DQX1: variants seen among roughly 807,000 people sequenced by gnomAD.
DQX1 encodes the protein ATP-dependent RNA helicase homolog DQX1.
Under a neutral mutation model 81.3 loss-of-function variants are expected in DQX1, and 66 were observed. That is an observed-to-expected ratio of 0.81 (90% confidence interval 0.67 to 1.00). The LOEUF is 1.00. DQX1 is among the 50% of genes least tolerant of loss of function. The pLI is 0.00. For missense variants in DQX1, 798 were observed against 867.9 expected, an observed-to-expected ratio of 0.92 and a Z score of 1.01; for synonymous variants, 290 against 350.0, an observed-to-expected ratio of 0.83 and a Z score of 1.91.
At chr2:74,522,316 G>A (rs570881848) in intron 8 of DQX1, among the ~76,000 whole-genome samples, 9 of 152,344 alleles carry the variant, frequency 5.9e-5, no homozygotes, top group South Asian at 2.1e-4. Flanking sequence ...ATAGCTGAAG[G>A]GGAGGATAGG....
chr2:74,524,208 C>T lies in DQX1; in HGVS notation c.531G>A (p.Val177=), dbSNP rs748872996. 1.9e-6 allele frequency: 3 copies of T among 1,614,130 alleles called. No homozygotes were observed. The highest frequency in any genetic ancestry group is 4.5e-5 in the East Asian group (2 of 44,884). Reference sequence around the variant, plus strand: ...GTAGCCCCTGGAGTGAATCTGATGCCACCGACCGCTCCTGAGCCTCATCTA... The same window carrying T: ...GTAGCCCCTGGAGTGAATCTGATGCTACCGACCGCTCCTGAGCCTCATCTA... ...LVLDEAQERS[V]ASDSLQGLLQ... is the part of the protein sequence containing the mutation. The change falls in exon 4 of 12, where the codon GTG becomes GTA. Residue 177 remains valine, a synonymous_variant. Coordinates refer to ENST00000404568, the MANE Select transcript of DQX1 (RefSeq NM_133637.3).
Position 74,522,745 on chromosome 2 carries a change from CCAGGGCTTGCAT to C in DQX1, c.1318_1329del (p.Met440_Leu443del). ...AGGGCTGCCAGATAGTCTAAATCTT[CCAGGGCTTGCAT>C]CAGTGCTTCTGGAGCTGGTGAGGAA... On this transcript the variant is annotated inframe_deletion, in exon 8 of 12. Coordinates refer to ENST00000404568, the MANE Select transcript of DQX1 (RefSeq NM_133637.3). The C allele has an allele frequency of 6.2e-7, 1 of 1,614,176 alleles. No homozygotes were observed. Among genetic ancestry groups the C allele is most frequent in the South Asian group, 1.1e-5 (1 of 91,070 alleles).
rs1409012756 is a variant in DQX1, at chr2:74,522,976, G to A, written c.1183C>T (p.Leu395=). The part of the protein sequence containing the change: ...LCLYPKSFLE[L]EAPPLPQPRV... ...GGTTGTGGCAATGGTGGAGCTTCTA[G>A]TTCTAAGAAGGACTTAGGATACAGG... Residue 395 remains leucine (L), a synonymous_variant, in exon 7 of 12, where the codon CTA becomes TTA. Coordinates refer to ENST00000404568, the MANE Select transcript of DQX1 (RefSeq NM_133637.3). 6.2e-7 allele frequency: 1 copy of A among 1,614,186 alleles called. No individual in the cohort carries two copies. Among genetic ancestry groups the A allele is most frequent in the Admixed American group, 1.7e-5 (1 of 60,020 alleles).
chr2:74,520,086 G>T (rs986297498), intron 8 of DQX1, 52 bp from the exon 9 acceptor site: 1 of 1,595,854 alleles, frequency 6.3e-7, no homozygotes, highest in Admixed American at 1.7e-5. Flanking sequence ...AATGGGAAGG[G>T]ATAGTAGTAC....
Position 74,519,627 on chromosome 2 carries a change from G to A in DQX1, c.1735C>T (p.Leu579=), listed in dbSNP as rs1674973148. ...TTCTGCTCAGAGCCAAAGGCTGGTA[G>A]GGACAAGGGAAGTTCAATTCGTTGC... ...LMQRIELPLS[L]PAFGSEQNRR... The change falls in exon 10 of 12, where the codon CTA becomes TTA. Residue 579 remains leucine (L), a synonymous_variant. Coordinates refer to ENST00000404568, the MANE Select transcript of DQX1 (RefSeq NM_133637.3). 2 of 1,614,112 alleles carry A rather than the reference G, an allele frequency of 1.2e-6. No individual in the cohort carries two copies. The highest frequency in any genetic ancestry group is 4.5e-5 in the East Asian group (2 of 44,902).
Position 74,525,216 on chromosome 2 carries a change from A to G in DQX1, c.238-14T>C, listed in dbSNP as rs1294701743. Reference sequence around the variant, plus strand: ...CCACTGAGGGATCTGGGATAGAAGTAGGGAAGGAGAGCCAGTGAGGAAGAT... The same window carrying G: ...CCACTGAGGGATCTGGGATAGAAGTGGGGAAGGAGAGCCAGTGAGGAAGAT... On this transcript the variant is annotated splice_polypyrimidine_tract_variant and intron_variant, in intron 2 of 11. Transcript: ENST00000404568. This position sits in a 1 kb window ranked among gnomAD's most constrained non-coding sequence, Gnocchi z 4.1. The G allele has an allele frequency of 6.6e-7, 1 of 1,519,362 alleles. No homozygotes were observed. The highest frequency in any genetic ancestry group is 2.1e-5 in the Admixed American group (1 of 46,628). 94.1% of individuals were successfully genotyped at this position (1,519,362 alleles called of 1,614,324 possible).
rs964662632 is a variant in DQX1, at chr2:74,525,418, C to G, written c.237+75G>C. The G allele has an allele frequency of 8.8e-6, 13 of 1,473,914 alleles. No homozygotes were observed. The African/African-American group carries it at 1.8e-4, about 21-fold the overall frequency. 91.3% of individuals were successfully genotyped at this position (1,473,914 alleles called of 1,614,324 possible). A position where few individuals can be genotyped will look rare whatever the true frequency, so the allele number is the denominator to read the frequency against. ...TCCCCCCTTGCCCAGGGAAAGGCCA[C>G]TTTCCCTTTGTCCTCCCTTTGTCCT... On this transcript the variant is annotated intron_variant, in intron 2 of 11. Coordinates refer to ENST00000404568, the MANE Select transcript of DQX1 (RefSeq NM_133637.3). This position sits in a 1 kb window ranked among gnomAD's most constrained non-coding sequence, Gnocchi z 4.1.
intron 4 of DQX1, 106 bp from the exon 5 acceptor site, chr2:74,523,643 T>C: frequency 9.0e-7 from 1 of 1,107,670 alleles, no homozygotes; most frequent in Non-Finnish European, 1.3e-6. Context: ...TCTGAGAAAA[T>C]GCAAATTACT....
At chr2:74,518,835 C>G (rs1674953456) in intron 11 of DQX1, among the ~76,000 whole-genome samples, 1 of 152,182 alleles carries the variant, frequency 6.6e-6, no homozygotes, top group South Asian at 2.1e-4. Context: ...CTCAAGGACT[C>G]CTCCTGCCTA....
intron 11 of DQX1, 74 bp downstream of exon 11, chr2:74,518,966 C>A: frequency 7.1e-7 from 1 of 1,403,032 alleles, no homozygotes; most frequent in Non-Finnish European, 9.6e-7. Flanking sequence ...TCCTCTGTCT[C>A]TCTAACTCCC....
chr2:74,519,243 C>A lies in DQX1; in HGVS notation c.1807-13G>T. ...TGTCTCTGGCCACCTTATTGAAAGG[C>A]AGAAATATTGACGGAATAAATAAAA... On this transcript the variant is annotated splice_polypyrimidine_tract_variant and intron_variant, in intron 10 of 11. Transcript: ENST00000404568. 2.6e-6 allele frequency: 4 copies of A among 1,537,112 alleles called. No individual in the cohort carries two copies. The South Asian group carries it at 3.7e-5, about 14-fold the overall frequency.
intron 3 of DQX1, among the ~76,000 whole-genome samples, chr2:74,524,514 T>G (rs1265509950): frequency 6.6e-6 from 1 of 152,154 alleles, no homozygotes; most frequent in Non-Finnish European, 1.5e-5. Context: ...AGCTGGGAAG[T>G]GAAATTTTTC....
chr2:74,518,902 C>G (rs371706114), intron 11 of DQX1, 138 bp downstream of exon 11: 4 of 970,716 alleles, frequency 4.1e-6, no homozygotes, highest in African/African-American at 3.3e-5. Context: ...CTCACCAGCC[C>G]TTCCACAAAT....
rs1021696534 is a variant in DQX1 at position 74,519,932 on chromosome 2, T to A, written c.1598A>T (p.Tyr533Phe). 1.2e-6 allele frequency: 2 copies of A among 1,614,198 alleles called. No individual in the cohort carries two copies. Among genetic ancestry groups the A allele is most frequent in the Admixed American group, 1.7e-5 (1 of 60,022 alleles). Residue 533 changes from tyrosine (Y) to phenylalanine (F), a missense_variant, in exon 9 of 12, where the codon TAT becomes TTT. Transcript: ENST00000404568. ...DGDHSSLIQV[Y>F]EAFIQSGADE... is the part of the protein sequence containing the mutation. ...GAACTCACTTTGTATAAAGGCTTCA[T>A]ACACCTGGATCAGAGAACTGTGGTC...
In DQX1 at chr2:74,525,177, G is replaced by C. The variant is rs761038248; in HGVS notation, c.263C>G (p.Ala88Gly). The change falls in exon 3 of 12, where the codon GCG becomes GGG. Residue 88 changes from alanine (A) to glycine (G), a missense_variant. Physicochemically the swap from Ala to Gly is moderately conservative, Grantham distance 60. Transcript: ENST00000404568. This position sits in a 1 kb window ranked among gnomAD's most constrained non-coding sequence, Gnocchi z 4.1. ...TQIPQWCAEFALARGFQKGQV... is the reference protein window; with the variant it reads ...TQIPQWCAEFGLARGFQKGQV... The stretch of plus-strand genomic sequence containing the variant: ...TCCTTTCTGGAACCCTCTGGCCAGC[G>C]CAAACTCTGCACACCACTGAGGGAT... 1.3e-6 allele frequency: 2 copies of C among 1,593,568 alleles called. No individual in the cohort carries two copies.
chr2:74,520,586 G>A (rs1439824470), intron 8 of DQX1, among the ~76,000 whole-genome samples: 3 of 152,168 alleles, frequency 2.0e-5, no homozygotes, highest in African/African-American at 7.2e-5. Context: ...GTATAGGTAA[G>A]GTCATGAGAG....
Position 74,522,942 on chromosome 2 carries a change from C to T in DQX1, c.1217G>A (p.Cys406Tyr), listed in dbSNP as rs1410496288. 1.2e-6 allele frequency: 2 copies of T among 1,614,170 alleles called. No homozygotes were observed. Among genetic ancestry groups the T allele is most frequent in the Non-Finnish European group, 1.7e-6 (2 of 1,180,032 alleles). Residue 406 changes from cysteine to tyrosine, a missense_variant, in exon 7 of 12, where the codon TGT becomes TAT. Cys to Tyr is a radical substitution (Grantham distance 194). Transcript: ENST00000404568. ...EAPPLPQPRV[C>Y]EENLSSLVLL... ...CACCAGGGAGCTCAGATTCTCCTCA[C>T]ACACCCTGGGTTGTGGCAATGGTGG... is the stretch of plus-strand genomic sequence containing the variant.
intron 4 of DQX1, 53 bp downstream of exon 4, chr2:74,523,870 C>G (rs1284014158): frequency 6.8e-7 from 1 of 1,476,788 alleles, no homozygotes; most frequent in Non-Finnish European, 9.0e-7. Context: ...TGAGTACCTC[C>G]TTTTGCAGGC....
At chr2:74,521,553 G>A (rs1675022447) in intron 8 of DQX1, among the ~76,000 whole-genome samples, 1 of 151,882 alleles carries the variant, frequency 6.6e-6, no homozygotes, top group Non-Finnish European at 1.5e-5. Context: ...GGGAGGCTGA[G>A]GCATGAGAAT....
Sources: allele counts gnomAD v4.1 joint callset (sites outside exome capture counted in the v4.1 genomes callset), GRCh38; gene constraint gnomAD v4.1.1; non-coding constraint Gnocchi (gnomAD v3.1); transcripts MANE v1.5; gene names NCBI Gene and HGNC (gene_info 2026-07-23, HGNC 2026-07-21).